The following MED13L variants were observed in gnomAD, a reference collection of about 807,000 sequenced individuals.
The protein encoded by MED13L is mediator complex subunit 13L.
Under a neutral mutation model 220.9 loss-of-function variants are expected in MED13L, and 7 were observed. The observed-to-expected ratio is 0.03, with a 90% CI of 0.02 to 0.06. The LOEUF is 0.06. Ranked by LOEUF, MED13L falls within the 10% of genes least tolerant of loss-of-function variation. The probability of loss-of-function intolerance (pLI) is 1.00; values close to 1 mark genes in which losing one functional copy is unlikely to be tolerated. For missense variants in MED13L, 1,965 were observed against 2,760.5 expected (o/e 0.71, Z 6.46); for synonymous variants, 1,011 against 1,015.2 (o/e 1.00, Z 0.08).
chr12:115,997,700 G>A (rs1878495835), intron 14 of MED13L, among the ~76,000 whole-genome samples: 2 of 152,240 alleles, frequency 1.3e-5, no homozygotes, highest in African/African-American at 4.8e-5. Context: ...GGGATGGCAG[G>A]TGTGAGCCAC....
intron 4 of MED13L, among the ~76,000 whole-genome samples, chr12:116,077,869 T>C (rs538768719): frequency 5.3e-5 from 8 of 152,320 alleles, no homozygotes; most frequent in Non-Finnish European, 8.8e-5. Context: ...AATAAAATAA[T>C]TGGCCGGGCA....
intron 1 of MED13L, among the ~76,000 whole-genome samples, chr12:116,270,443 CTAGA>C (rs1315616162): frequency 1.3e-5 from 2 of 152,072 alleles, no homozygotes; most frequent in African/African-American, 4.8e-5. Context: ...CCACGCCCAG[CTAGA>C]TAATCTTAAA....
At chr12:116,275,187 C>T (rs902562747) in intron 1 of MED13L, among the ~76,000 whole-genome samples, 10 of 151,990 alleles carry the variant, frequency 6.6e-5, no homozygotes, top group African/African-American at 4.8e-5. Context: ...CACACAAAAA[C>T]CATTTTAAAT....
intron 14 of MED13L, among the ~76,000 whole-genome samples, chr12:115,998,679 C>T (rs1048947250): frequency 3.9e-5 from 6 of 152,182 alleles, no homozygotes; most frequent in African/African-American, 4.8e-5. Flanking sequence ...TAATCTTTAC[C>T]GTGTTTCTAA....
At chr12:116,203,133 G>A (rs779660857) in intron 2 of MED13L, among the ~76,000 whole-genome samples, 2 of 152,100 alleles carry the variant, frequency 1.3e-5, no homozygotes, top group Admixed American at 6.6e-5. Context: ...CTGAACTCTC[G>A]AGTTTCATCA....
At chr12:116,153,279 G>C (rs901117535) in intron 2 of MED13L, among the ~76,000 whole-genome samples, 5 of 152,124 alleles carry the variant, frequency 3.3e-5, no homozygotes, top group African/African-American at 4.8e-5. Flanking sequence ...TGGAAGAAAA[G>C]ATTGCTCACC....
At chr12:116,208,046 C>T (rs190933784) in intron 2 of MED13L, among the ~76,000 whole-genome samples, 84 of 152,238 alleles carry the variant, frequency 5.5e-4, no homozygotes, top group African/African-American at 2.0e-3. Context: ...CAAAACTACT[C>T]GGAGGTCACC....
At chr12:116,268,062 G>A (rs1872968484) in intron 1 of MED13L, among the ~76,000 whole-genome samples, 1 of 152,228 alleles carries the variant, frequency 6.6e-6, no homozygotes, top group Non-Finnish European at 1.5e-5. Context: ...CTTGAGGAAT[G>A]GAGAATAATC....
intron 1 of MED13L, among the ~76,000 whole-genome samples, chr12:116,264,701 T>C (rs61937385): frequency 0.071 from 10,762 of 152,256 alleles, 501 homozygotes; most frequent in Middle Eastern, 0.11. Context: ...CAACTTTCCT[T>C]GTATCTTCCA....
chr12:116,241,960 G>C (rs1593200914), intron 1 of MED13L, among the ~76,000 whole-genome samples: 1 of 151,602 alleles, frequency 6.6e-6, no homozygotes, highest in Middle Eastern at 3.4e-3. Flanking sequence ...TCCCATCGTG[G>C]ATGTTTATTC....
intron 2 of MED13L, among the ~76,000 whole-genome samples, chr12:116,122,275 A>G (rs188439940): frequency 6.6e-6 from 1 of 152,208 alleles, no homozygotes; most frequent in East Asian, 1.9e-4. Context: ...AAAGAAACTC[A>G]GTAACAAAGG....
intron 2 of MED13L, among the ~76,000 whole-genome samples, chr12:116,187,754 C>G (rs1159180245): frequency 3.9e-5 from 6 of 151,936 alleles, no homozygotes; most frequent in Non-Finnish European, 8.8e-5. Flanking sequence ...AAATACCATG[C>G]AAACTATTAA....
chr12:116,153,737 T>G (rs902975434), intron 2 of MED13L, among the ~76,000 whole-genome samples: 1 of 152,198 alleles, frequency 6.6e-6, no homozygotes, highest in African/African-American at 2.4e-5. Context: ...GCAGGAAATT[T>G]TGAAACCAAA....
chr12:116,202,293 T>C (rs1402775940), intron 2 of MED13L, among the ~76,000 whole-genome samples: 1 of 152,218 alleles, frequency 6.6e-6, no homozygotes, highest in Non-Finnish European at 1.5e-5. Context: ...GAAAGTTTCA[T>C]TTCAATTTCA....
At chr12:115,980,182 TA>T (rs772620857) in intron 23 of MED13L, among the ~76,000 whole-genome samples, 8 of 152,054 alleles carry the variant, frequency 5.3e-5, no homozygotes, top group African/African-American at 1.9e-4. Context: ...ATTAAAACAT[TA>T]AAAACTAAAA....
At chr12:116,052,187 G>A (rs1198955872) in intron 4 of MED13L, among the ~76,000 whole-genome samples, 3 of 152,086 alleles carry the variant, frequency 2.0e-5, no homozygotes, top group Non-Finnish European at 2.9e-5. Context: ...ATGCAAAGGT[G>A]TCATTCAGAG....
At chr12:116,104,539 A>C (rs186422180) in intron 3 of MED13L, among the ~76,000 whole-genome samples, 17 of 152,324 alleles carry the variant, frequency 1.1e-4, no homozygotes, top group African/African-American at 3.4e-4. Context: ...TGTGTTATAA[A>C]CTACCATGGG....
At chr12:115,982,722 G>T in intron 21 of MED13L, 119 bp from the exon 22 acceptor site, 1 of 965,846 alleles carries the variant, frequency 1.0e-6, no homozygotes, top group Non-Finnish European at 1.6e-6. Flanking sequence ...CAGATTAAAG[G>T]TAAGAGTAAC....
At chr12:115,967,805 T>C (rs1876285605) in intron 28 of MED13L, among the ~76,000 whole-genome samples, 1 of 152,156 alleles carries the variant, frequency 6.6e-6, no homozygotes, top group African/African-American at 2.4e-5. Flanking sequence ...AAATAGACAA[T>C]GTAACATTTG....
Sources: gnomAD v4.1 joint callset for allele counts (sites outside exome capture counted in the v4.1 genomes callset) on GRCh38, gnomAD v4.1.1 for gene constraint, MANE v1.5 for transcripts, NCBI Gene and HGNC (gene_info 2026-07-23, HGNC 2026-07-21) for gene names.